Variants in SETD3 observed in about 807,000 individuals in gnomAD.
SETD3 encodes the protein SET domain containing 3, actin N3(tau)-histidine methyltransferase, also known as actin-histidine N-methyltransferase.
SETD3 carries 19 observed loss-of-function variants against 63.0 expected under a neutral mutation model. The observed-to-expected ratio is 0.30, with a 90% confidence interval of 0.21 to 0.44. The LOEUF (loss-of-function observed/expected upper bound fraction) is 0.44, where lower values mean the gene tolerates loss of function less well. Ranked by LOEUF, SETD3 falls within the 20% of genes least tolerant of loss-of-function variation. The pLI is 1.00. For missense variants in SETD3, 587 were observed against 728.5 expected, an observed-to-expected ratio of 0.81 and a Z score of 2.24; for synonymous variants, 286 against 264.1, an observed-to-expected ratio of 1.08 and a Z score of -0.80.
intron 6 of SETD3, among the ~76,000 whole-genome samples, chr14:99,420,297 G>A (rs1892517112): frequency 6.6e-6 from 1 of 152,142 alleles, no homozygotes. Context: ...GACCCCCTGT[G>A]AGTCCCCAGT....
At chr14:99,431,648 G>A (rs748358000) in intron 6 of SETD3, among the ~76,000 whole-genome samples, 21 of 152,000 alleles carry the variant, frequency 1.4e-4, no homozygotes, top group Non-Finnish European at 2.4e-4. Flanking sequence ...ATGCCACCAC[G>A]CCCAGCCAAT....
chr14:99,439,435 G>T (rs1893665242), intron 6 of SETD3, among the ~76,000 whole-genome samples: 1 of 152,050 alleles, frequency 6.6e-6, no homozygotes, highest in Non-Finnish European at 1.5e-5. Context: ...TTTCCTGTTT[G>T]TTTTCCTTCA....
At chr14:99,406,216 CTTTAT>C (rs1226513310) in intron 9 of SETD3, among the ~76,000 whole-genome samples, 2 of 152,090 alleles carry the variant, frequency 1.3e-5, no homozygotes, top group Non-Finnish European at 2.9e-5. Flanking sequence ...TCATAACACA[CTTTAT>C]TTTCAGTTAA....
At chr14:99,468,263 C>T (rs1207503376) in intron 1 of SETD3, among the ~76,000 whole-genome samples, 1 of 152,020 alleles carries the variant, frequency 6.6e-6, no homozygotes, top group African/African-American at 2.4e-5. Context: ...TCAGCCCACA[C>T]CTAGGCAGCT....
intron 6 of SETD3, among the ~76,000 whole-genome samples, chr14:99,433,918 G>A (rs953246831): frequency 6.6e-6 from 1 of 152,170 alleles, no homozygotes; most frequent in Non-Finnish European, 1.5e-5. Context: ...GCGCTAATGA[G>A]GGAGTAGAGC....
chr14:99,471,013 A>G (rs1244809141), intron 1 of SETD3, among the ~76,000 whole-genome samples: 1 of 151,850 alleles, frequency 6.6e-6, no homozygotes, highest in East Asian at 1.9e-4. Flanking sequence ...AGGGTCCTCC[A>G]CCTAAAATTT....
chr14:99,458,657 G>T, intron 5 of SETD3, 122 bp from the exon 6 acceptor site: 1 of 1,274,962 alleles, frequency 7.8e-7, no homozygotes, highest in Non-Finnish European at 1.1e-6. Context: ...TCAGGTACAG[G>T]CTGGGCGCAG....
chr14:99,468,302 C>T (rs1396597550), intron 1 of SETD3, among the ~76,000 whole-genome samples: 2 of 152,114 alleles, frequency 1.3e-5, no homozygotes, highest in Non-Finnish European at 1.5e-5. Flanking sequence ...ACCTCCTGAA[C>T]GAGTCCTCAT....
intron 6 of SETD3, among the ~76,000 whole-genome samples, chr14:99,418,199 G>T (rs909524343): frequency 3.0e-4 from 45 of 152,152 alleles, no homozygotes; most frequent in Non-Finnish European, 8.8e-5. Flanking sequence ...CCTGTTTGAT[G>T]ACTATAGTAT....
rs1893739021 is a variant in SETD3 at position 99,440,487 on chromosome 14, A to G, written c.675+17792T>C. Among the ~76,000 whole-genome samples the G allele has an allele frequency of 2.0e-5, 3 of 152,150 alleles. No individual in the cohort carries two copies. The South Asian group carries it at 6.2e-4, about 31-fold the overall frequency. Reference sequence around the variant, plus strand: ...TAGGGGACAGGGTCAGGAGCAATACACACAGCCTCCGGTGTCTACATCATG... The same window carrying G: ...TAGGGGACAGGGTCAGGAGCAATACGCACAGCCTCCGGTGTCTACATCATG... On this transcript the variant is annotated intron_variant, in intron 6 of 12. Coordinates refer to ENST00000331768, the MANE Select transcript of SETD3 (RefSeq NM_032233.3).
intron 6 of SETD3, among the ~76,000 whole-genome samples, chr14:99,443,884 C>T (rs1223979004): frequency 6.6e-6 from 1 of 152,198 alleles, no homozygotes; most frequent in East Asian, 1.9e-4. Flanking sequence ...AAAATCAGAT[C>T]TTGAGCAGGG....
intron 10 of SETD3, 110 bp from the exon 11 acceptor site, chr14:99,404,420 G>A (rs1191432351): frequency 2.2e-5 from 20 of 927,382 alleles, no homozygotes; most frequent in Non-Finnish European, 3.2e-5. Context: ...GGAGAGCTGA[G>A]CTGGAATGGG....
At chr14:99,450,187 T>C (rs1440817892) in intron 6 of SETD3, among the ~76,000 whole-genome samples, 1 of 152,212 alleles carries the variant, frequency 6.6e-6, no homozygotes, top group East Asian at 1.9e-4. Context: ...TCTAAACCCT[T>C]TCCGTGAATT....
At chr14:99,481,655 G>T, upstream of SETD3, 1 of 390,136 alleles carries the variant, frequency 2.6e-6, no homozygotes, top group Non-Finnish European at 4.5e-6. Context: ...GTTGTGGGGC[G>T]GGCGTGTAGA....
At chr14:99,473,064 C>G (rs993966737) in intron 1 of SETD3, among the ~76,000 whole-genome samples, 3 of 152,202 alleles carry the variant, frequency 2.0e-5, no homozygotes, top group African/African-American at 7.2e-5. Context: ...ATACCACTTA[C>G]AAGTCCACCA....
intron 6 of SETD3, among the ~76,000 whole-genome samples, chr14:99,441,601 C>T (rs181597134): frequency 1.3e-5 from 2 of 152,350 alleles, no homozygotes; most frequent in South Asian, 2.1e-4. Flanking sequence ...TATGCCAAGG[C>T]TAGAAGAACC....
At chr14:99,428,350 C>G (rs1376743054) in intron 6 of SETD3, among the ~76,000 whole-genome samples, 1 of 152,152 alleles carries the variant, frequency 6.6e-6, no homozygotes, top group Non-Finnish European at 1.5e-5. Context: ...TGAATCAAAA[C>G]AAGTGGTGGA....
chr14:99,471,532 G>A (rs1359043497), intron 1 of SETD3, among the ~76,000 whole-genome samples: 1 of 152,230 alleles, frequency 6.6e-6, no homozygotes, highest in Non-Finnish European at 1.5e-5. Context: ...GTGCTCAGGA[G>A]GCTGAGGTGG....
chr14:99,410,148 C>G, intron 8 of SETD3: 1 of 1,580,696 alleles, frequency 6.3e-7, no homozygotes, highest in South Asian at 1.1e-5. Context: ...GAGTGAGTCC[C>G]GTAAGTGCCT....
Sources: gnomAD v4.1 joint callset for allele counts (sites outside exome capture counted in the v4.1 genomes callset) on GRCh38, gnomAD v4.1.1 for gene constraint, MANE v1.5 for transcripts, NCBI Gene and HGNC (gene_info 2026-07-23, HGNC 2026-07-21) for gene names.